The following BICD1 variants were observed in gnomAD, a reference collection of about 807,000 sequenced individuals.
BICD1 encodes the protein protein bicaudal D homolog 1.
In BICD1, 35 loss-of-function variants were observed where a neutral mutation model predicts 92.5. That is an observed-to-expected ratio of 0.38 (90% CI 0.29 to 0.50). The LOEUF (loss-of-function observed/expected upper bound fraction) is 0.50. Among genes scored for constraint, BICD1 ranks in the 20% least tolerant of loss-of-function variants. BICD1 has a pLI of 0.93. For missense variants in BICD1, 950 were observed against 1,189.8 expected (o/e 0.80, Z 2.97); for synonymous variants, 429 against 465.1 (o/e 0.92, Z 1.00).
chr12:32,198,326 C>CTATATATATATA (rs1233094983), intron 1 of BICD1, among the ~76,000 whole-genome samples: 16 of 112,238 alleles, frequency 1.4e-4, no homozygotes, highest in African/African-American at 5.6e-4. Flanking sequence ...TAATATGCAT[C>CTATATATATATA]TATCTATATA....
intron 8 of BICD1, among the ~76,000 whole-genome samples, chr12:32,357,466 G>A (rs1209219294): frequency 6.6e-6 from 1 of 152,166 alleles, no homozygotes; most frequent in African/African-American, 2.4e-5. Flanking sequence ...TATTTAGACT[G>A]AAGAAGTACT....
intron 1 of BICD1, among the ~76,000 whole-genome samples, chr12:32,124,018 G>C (rs1171014202): frequency 6.6e-6 from 1 of 152,204 alleles, no homozygotes; most frequent in Admixed American, 6.5e-5. Flanking sequence ...CCTTGTACCT[G>C]AATCTTTACC....
intron 2 of BICD1, among the ~76,000 whole-genome samples, chr12:32,218,403 C>T (rs560881182): frequency 4.3e-4 from 66 of 152,242 alleles, no homozygotes; most frequent in African/African-American, 1.4e-3. Flanking sequence ...TTCAGTAGAT[C>T]GAGGTAGGAC....
At chr12:32,216,914 G>A (rs1187944970) in intron 2 of BICD1, among the ~76,000 whole-genome samples, 5 of 152,186 alleles carry the variant, frequency 3.3e-5, no homozygotes, top group Admixed American at 6.5e-5. Flanking sequence ...TTTGAGTCTG[G>A]TGATGCAGAT....
chr12:32,295,038 C>T (rs1255945869), intron 3 of BICD1, among the ~76,000 whole-genome samples: 2 of 144,348 alleles, frequency 1.4e-5, no homozygotes, highest in Non-Finnish European at 3.0e-5. Context: ...GCCGAGATTA[C>T]ACCACTGCAC....
At chr12:32,117,758 A>ATATATATTTT (rs1491222610) in intron 1 of BICD1, among the ~76,000 whole-genome samples, 1 of 107,914 alleles carries the variant, frequency 9.3e-6, no homozygotes, top group African/African-American at 3.2e-5. Flanking sequence ...ATATATATAT[A>ATATATATTTT]TTTTTTTTTA....
intron 2 of BICD1, among the ~76,000 whole-genome samples, chr12:32,271,983 A>T (rs1947152479): frequency 6.6e-6 from 1 of 152,088 alleles, no homozygotes; most frequent in Admixed American, 6.6e-5. Context: ...CTGTTTCCTT[A>T]ATCTCTCTGG....
intron 2 of BICD1, among the ~76,000 whole-genome samples, chr12:32,236,872 CTT>C (rs57318640): frequency 0.017 from 1,524 of 89,242 alleles, 15 homozygotes; most frequent in African/African-American, 0.061. Context: ...AAGTCTAATT[CTT>C]TTTTTTTTTT....
At chr12:32,336,293 A>G (rs1237105374) in intron 6 of BICD1, among the ~76,000 whole-genome samples, 1 of 152,220 alleles carries the variant, frequency 6.6e-6, no homozygotes, top group Non-Finnish European at 1.5e-5. Flanking sequence ...TTCCAAATGT[A>G]TATGTGCCAG....
intron 1 of BICD1, chr12:32,108,487 ACTATGGGT>A: frequency 2.1e-6 from 1 of 482,232 alleles, no homozygotes; most frequent in Non-Finnish European, 3.7e-6. Context: ...TTCTTGAGGC[ACTATGGGT>A]AGCAAATAAC....
At chr12:32,209,690 A>G (rs1364141795) in intron 1 of BICD1, among the ~76,000 whole-genome samples, 1 of 152,194 alleles carries the variant, frequency 6.6e-6, no homozygotes, top group African/African-American at 2.4e-5. Context: ...ATTCTTGCTT[A>G]GCAACACTTA....
rs897197262 is a variant in BICD1, at chr12:32,328,973, G to A, written c.2100+418G>A. Among the ~76,000 whole-genome samples the A allele has an allele frequency of 2.0e-5, 3 of 152,300 alleles. No homozygotes were observed. Among genetic ancestry groups the A allele is most frequent in the African/African-American group, 4.8e-5 (2 of 41,566 alleles). ...GACAAACACCCAGCAGGCAGCTAGA[G>A]CAAACAGAGGGAAATCTGGGTACAT... On this transcript the variant is annotated intron_variant, in intron 5 of 9. Transcript: ENST00000652176. The surrounding 1 kb of genome is among the most constrained non-coding windows in gnomAD (Gnocchi z 4.4).
chr12:32,339,221 G>C, intron 8 of BICD1: 2 of 1,232,576 alleles, frequency 1.6e-6, no homozygotes, highest in Non-Finnish European at 2.0e-6. Flanking sequence ...GGAAGGAATG[G>C]GATAGGTAAA....
chr12:32,260,930 C>A (rs1946841686), intron 2 of BICD1, among the ~76,000 whole-genome samples: 1 of 152,194 alleles, frequency 6.6e-6, no homozygotes, highest in African/African-American at 2.4e-5. Context: ...CTGGCAGTTT[C>A]CCCGCTGACT....
At chr12:32,300,631 A>ATTTTTTTTTT (rs34219566) in intron 3 of BICD1, among the ~76,000 whole-genome samples, 1 of 80,566 alleles carries the variant, frequency 1.2e-5, no homozygotes, top group African/African-American at 3.9e-5. Flanking sequence ...ACTTTACAGT[A>ATTTTTTTTTT]TTTTTTTTTT....
At chr12:32,358,700 G>A (rs1939212564) in intron 8 of BICD1, among the ~76,000 whole-genome samples, 1 of 151,974 alleles carries the variant, frequency 6.6e-6, no homozygotes, top group South Asian at 2.1e-4. Context: ...TTGCACCACT[G>A]CACTCCAGCC....
intron 1 of BICD1, among the ~76,000 whole-genome samples, chr12:32,159,357 A>C (rs763360062): frequency 5.3e-5 from 8 of 152,216 alleles, no homozygotes; most frequent in Non-Finnish European, 1.0e-4. Flanking sequence ...GCTGACAGCA[A>C]AAAGTGACTA....
chr12:32,263,202 T>C (rs1371954141), intron 2 of BICD1, among the ~76,000 whole-genome samples: 1 of 151,680 alleles, frequency 6.6e-6, no homozygotes, highest in Non-Finnish European at 1.5e-5. Context: ...ACTGAGACAA[T>C]GGGTGACCAT....
At chr12:32,194,884 AAAAATAAAATAAAAC>A (rs1338671546) in intron 1 of BICD1, among the ~76,000 whole-genome samples, 1 of 151,616 alleles carries the variant, frequency 6.6e-6, no homozygotes, top group Non-Finnish European at 1.5e-5. Context: ...CTCCATCCCA[AAAAATAAAATAAAAC>A]AAAATAAAAT....
Sources: allele counts gnomAD v4.1 joint callset (sites outside exome capture counted in the v4.1 genomes callset), GRCh38; gene constraint gnomAD v4.1.1; non-coding constraint Gnocchi (gnomAD v3.1); transcripts MANE v1.5; gene names NCBI Gene and HGNC (gene_info 2026-07-23, HGNC 2026-07-21).